The following RNF213 variants were observed in gnomAD, a reference collection of about 807,000 sequenced individuals.
The protein encoded by RNF213 is E3 ubiquitin-protein ligase RNF213.
RNF213 carries 341 observed loss-of-function variants against 514.4 expected under a neutral mutation model. That is an observed-to-expected ratio of 0.66 (90% CI 0.61 to 0.73). RNF213 has a LOEUF of 0.73. RNF213 is among the 30% of genes least tolerant of loss of function. The pLI is 0.00. For synonymous variants in RNF213, 2,655 were observed against 2,658.2 expected (o/e 1.00, Z 0.04); for missense variants, 5,767 against 6,615.6 (o/e 0.87, Z 4.45).
At chr17:80,282,242 C>T (rs1382527633) in intron 3 of RNF213, among the ~76,000 whole-genome samples, 5 of 152,270 alleles carry the variant, frequency 3.3e-5, no homozygotes, top group South Asian at 4.1e-4. Context: ...AGTTGCTACA[C>T]GGTGCGGTGT....
intron 65 of RNF213, among the ~76,000 whole-genome samples, 166 bp downstream of exon 65, chr17:80,389,533 C>T (rs2080376551): frequency 6.6e-6 from 1 of 152,142 alleles, no homozygotes; most frequent in Admixed American, 6.5e-5. Context: ...CAGGACACAC[C>T]AGGGACAGTA....
intron 3 of RNF213, among the ~76,000 whole-genome samples, chr17:80,276,981 C>T (rs560153712): frequency 2.0e-5 from 3 of 151,630 alleles, no homozygotes; most frequent in East Asian, 3.9e-4. Context: ...CACTTGAACC[C>T]GGGAGGGGGA....
rs891268273 is a variant in RNF213, at chr17:80,364,192, T to C, written c.11751-241T>C. On this transcript the variant is annotated intron_variant, in intron 41 of 67. Coordinates refer to ENST00000582970, the MANE Select transcript of RNF213 (RefSeq NM_001256071.3). Reference sequence around the variant, plus strand: ...GGCGCAGGATCATGCAGTGAGCGGGTTGTGGTGGTACCCCATGCAGAGGCA... The same window carrying C: ...GGCGCAGGATCATGCAGTGAGCGGGCTGTGGTGGTACCCCATGCAGAGGCA... Among the ~76,000 whole-genome samples the C allele has an allele frequency of 5.9e-5, 9 of 152,214 alleles. No individual in the cohort carries two copies. The East Asian group carries it at 1.2e-3, about 20-fold the overall frequency.
At chr17:80,275,002 G>C (rs538222030) in intron 3 of RNF213, among the ~76,000 whole-genome samples, 2 of 126,476 alleles carry the variant, frequency 1.6e-5, no homozygotes, top group African/African-American at 6.1e-5. Flanking sequence ...TATGTGTTGG[G>C]GTATGTGAGT....
rs2078218233 is a variant in RNF213, at chr17:80,343,391, GA to G, written c.6183+67del. On this transcript the variant is annotated intron_variant, in intron 27 of 67. Transcript: ENST00000582970. The surrounding 1 kb of genome is among the most constrained non-coding windows in gnomAD (Gnocchi z 4.3). ...AGACGTGGTCCCCATGTCTCTGCGT[GA>G]CTCCTCCCCGTGTATAGAATTCCTT... 7.4e-7 allele frequency: 1 copy of G among 1,355,632 alleles called. No individual in the cohort carries two copies. Among genetic ancestry groups the G allele is most frequent in the Admixed American group, 1.9e-5 (1 of 53,410 alleles). 84.0% of individuals were successfully genotyped at this position (1,355,632 alleles called of 1,614,324 possible). A position where few individuals can be genotyped will look rare whatever the true frequency, so the allele number is the denominator to read the frequency against.
chr17:80,358,427 A>T lies in RNF213; in HGVS notation c.11002A>T (p.Ile3668Phe), dbSNP rs752222695. Residue 3668 changes from isoleucine to phenylalanine, a missense_variant, in exon 37 of 68, where the codon ATT becomes TTT. Ile to Phe is a conservative substitution (Grantham distance 21). Transcript: ENST00000582970. ...CTGGGCAAGAGATCTTTGGATGTTTATTTTCAGTGACACGATGCTTCTGAA... is the reference window on the plus strand; with the variant it reads ...CTGGGCAAGAGATCTTTGGATGTTTTTTTTCAGTGACACGATGCTTCTGAA... The part of the protein sequence containing the change: ...PPWARDLWMF[I>F]FSDTMLLNIP... 1 of 1,614,178 alleles carries T rather than the reference A, an allele frequency of 6.2e-7. No individual in the cohort carries two copies. The highest frequency in any genetic ancestry group is 1.7e-5 in the Admixed American group (1 of 60,024).
Position 80,347,265 on chromosome 17 carries a change from A to T in RNF213, c.8930A>T (p.Gln2977Leu). The T allele has an allele frequency of 6.2e-7, 1 of 1,613,712 alleles. No homozygotes were observed. The change falls in exon 29 of 68, where the codon CAA (glutamine) becomes CTA (leucine). Residue 2977 changes from glutamine (Q) to leucine (L), a missense_variant. Around this residue, in one of 13 missense-constraint regions of RNF213, gnomAD observed 919 missense variants for 1,121.0 expected, o/e 0.82. Transcript: ENST00000582970. This position sits in a 1 kb window ranked among gnomAD's most constrained non-coding sequence, Gnocchi z 7.2. ...AKASNRKPSP[Q>L]DIAQAVLRNF... Reference sequence around the variant, plus strand: ...GCTTCAAATAGAAAGCCTTCCCCGCAAGACATTGCACAGGCTGTCCTTAGG... The same window carrying T: ...GCTTCAAATAGAAAGCCTTCCCCGCTAGACATTGCACAGGCTGTCCTTAGG...
chr17:80,304,696 T>C (rs2045298076), intron 11 of RNF213, among the ~76,000 whole-genome samples: 1 of 151,876 alleles, frequency 6.6e-6, no homozygotes, highest in Admixed American at 6.6e-5. Context: ...ATTATTGGGG[T>C]ATATCCCTTT....
chr17:80,311,377 TTTG>T (rs1364420326), intron 14 of RNF213, among the ~76,000 whole-genome samples: 3 of 152,120 alleles, frequency 2.0e-5, no homozygotes, highest in Non-Finnish European at 2.9e-5. Context: ...GGTCATTCAG[TTTG>T]TTGTTATTGG....
chr17:80,343,049 C>A lies in RNF213; in HGVS notation c.5990-83C>A. On this transcript the variant is annotated intron_variant, in intron 26 of 67. Transcript: ENST00000582970. This position sits in a 1 kb window ranked among gnomAD's most constrained non-coding sequence, Gnocchi z 4.3. ...CTTTGAACTCCTGACCTCAAGTGAT[C>A]CCCCCGCCTCGGCCTCCCAAAGTGC... 1 of 1,108,162 alleles carries A rather than the reference C, an allele frequency of 9.0e-7. No homozygotes were observed. Among genetic ancestry groups the A allele is most frequent in the Non-Finnish European group, 1.4e-6 (1 of 730,902 alleles). 68.6% of individuals were successfully genotyped at this position (1,108,162 alleles called of 1,614,324 possible).
chr17:80,364,540 T>C lies in RNF213; in HGVS notation c.11858T>C (p.Phe3953Ser). The change falls in exon 42 of 68, where the codon TTC becomes TCC. Residue 3953 changes from phenylalanine to serine, a missense_variant. By Grantham distance (155) the Phe-to-Ser change is radical. Around this residue, in one of 13 missense-constraint regions of RNF213, gnomAD observed 355 missense variants for 358.0 expected, o/e 0.99. Coordinates refer to ENST00000582970, the MANE Select transcript of RNF213 (RefSeq NM_001256071.3). ...ELQGLVTEHV[F>S]LLDKCLRENS... ...CAGGGGCTGGTGACCGAGCACGTCT[T>C]CTTACTAGACAAGGTGAGTACTTGG... 1 of 1,614,128 alleles carries C rather than the reference T, an allele frequency of 6.2e-7. No individual in the cohort carries two copies. Among genetic ancestry groups the C allele is most frequent in the Non-Finnish European group, 8.5e-7 (1 of 1,180,026 alleles).
At chr17:80,302,920 G>T (rs1159796500) in intron 11 of RNF213, among the ~76,000 whole-genome samples, 1 of 152,146 alleles carries the variant, frequency 6.6e-6, no homozygotes. Context: ...TGAATACTGG[G>T]TTATTTAATA....
chr17:80,273,956 G>A (rs549022683), intron 3 of RNF213, among the ~76,000 whole-genome samples: 23 of 152,176 alleles, frequency 1.5e-4, no homozygotes, highest in African/African-American at 5.1e-4. Flanking sequence ...CCCAATACTC[G>A]TGTGTCTCCC....
intron 3 of RNF213, among the ~76,000 whole-genome samples, chr17:80,280,920 G>A (rs2044234323): frequency 6.6e-6 from 1 of 152,026 alleles, no homozygotes; most frequent in African/African-American, 2.4e-5. Flanking sequence ...GGATGCGCAC[G>A]GAGCATGAGA....
In RNF213 at chr17:80,313,183, A is replaced by C. The variant is rs184644421; in HGVS notation, c.2811+16A>C. ...GGAAATTGAGGTAGGCATTTGGCCG[A>C]AGGCTTCTGGGTAGGGATGTGACTG... On this transcript the variant is annotated intron_variant, in intron 15 of 67. Transcript: ENST00000582970. The C allele has an allele frequency of 6.2e-7, 1 of 1,613,954 alleles. No individual in the cohort carries two copies. Among genetic ancestry groups the C allele is most frequent in the East Asian group, 2.2e-5 (1 of 44,886 alleles).
At chr17:80,382,838 C>T (rs2144610811) in intron 57 of RNF213, 141 bp from the exon 58 acceptor site, 1 of 666,508 alleles carries the variant, frequency 1.5e-6, no homozygotes, top group Non-Finnish European at 2.8e-6. Context: ...GGAACTACTT[C>T]AAAATACTTA....
rs144367158 is a variant in RNF213, at chr17:80,386,849, C to G, written c.14880C>G (p.Ile4960Met). 3.1e-6 allele frequency: 5 copies of G among 1,613,786 alleles called. No individual in the cohort carries two copies. In the African/African-American group the frequency reaches 6.7e-5, roughly 22 times the overall value. ...EFDLEKIQRQ[I>M]VSRFLQGKPR... ...ATCTGGAGAAGATTCAGCGGCAGAT[C>G]GTCAGCCGCTTCCTCCAGGGCAAGC... The change falls in exon 63 of 68, where the codon ATC becomes ATG. Residue 4960 changes from isoleucine (I) to methionine (M), a missense_variant. Coordinates refer to ENST00000582970, the MANE Select transcript of RNF213 (RefSeq NM_001256071.3).
intron 15 of RNF213, among the ~76,000 whole-genome samples, chr17:80,315,438 A>G (rs866702797): frequency 0.012 from 3 of 248 alleles, 1 homozygote. Flanking sequence ...AATGGAGGTG[A>G]TGGTGGTGGT....
intron 3 of RNF213, among the ~76,000 whole-genome samples, chr17:80,286,539 C>T (rs1156921543): frequency 6.6e-6 from 1 of 152,078 alleles, no homozygotes; most frequent in African/African-American, 2.4e-5. Context: ...GGCCGACCGT[C>T]AGCCGAGGGG....
Sources: allele counts gnomAD v4.1 joint callset (sites outside exome capture counted in the v4.1 genomes callset), GRCh38; gene constraint gnomAD v4.1.1; regional missense constraint gnomAD v4.1.1; non-coding constraint Gnocchi (gnomAD v3.1); transcripts MANE v1.5; gene names NCBI Gene and HGNC (gene_info 2026-07-23, HGNC 2026-07-21).